Variants in SSBP2 observed in about 807,000 individuals in gnomAD.
SSBP2 encodes the protein single-stranded DNA-binding protein 2.
SSBP2 carries 17 observed loss-of-function variants against 61.8 expected under a neutral mutation model. That is an observed-to-expected ratio of 0.28 (90% CI 0.19 to 0.41). The LOEUF (loss-of-function observed/expected upper bound fraction) is 0.41, where lower values mean the gene tolerates loss of function less well. SSBP2 is among the 10% of genes least tolerant of loss of function. The pLI is 1.00. For missense variants in SSBP2, 310 were observed against 458.7 expected (o/e 0.68, Z 2.96); for synonymous variants, 139 against 141.3 (o/e 0.98, Z 0.12).
intron 15 of SSBP2, among the ~76,000 whole-genome samples, chr5:81,434,399 T>C (rs1762535008): frequency 6.6e-6 from 1 of 151,942 alleles, no homozygotes; most frequent in African/African-American, 2.4e-5. Flanking sequence ...GGCTCACACC[T>C]GTAATCCCAG....
chr5:81,697,028 A>G (rs1281443483), intron 1 of SSBP2, among the ~76,000 whole-genome samples: 1 of 152,228 alleles, frequency 6.6e-6, no homozygotes, highest in Non-Finnish European at 1.5e-5. Context: ...AATACAGGGC[A>G]TTTCAGAGAT....
intron 4 of SSBP2, among the ~76,000 whole-genome samples, chr5:81,542,817 T>TTCTCTTTCTCTCTCTCTC (rs1771384866): frequency 9.4e-6 from 1 of 106,724 alleles, no homozygotes; most frequent in African/African-American, 4.1e-5. Context: ...ATTTGACAGT[T>TTCTCTTTCTCTCTCTCTC]TCTCTCTCTC....
intron 9 of SSBP2, among the ~76,000 whole-genome samples, chr5:81,463,732 C>T (rs1407975356): frequency 6.6e-6 from 1 of 150,390 alleles, no homozygotes; most frequent in Non-Finnish European, 1.5e-5. Flanking sequence ...ATCAAATCAA[C>T]CACTATTACC....
At chr5:81,585,070 C>A (rs1276785763) in intron 4 of SSBP2, among the ~76,000 whole-genome samples, 1 of 151,922 alleles carries the variant, frequency 6.6e-6, no homozygotes, top group African/African-American at 2.4e-5. Flanking sequence ...GTTCTAGAAT[C>A]CACAAAAGCA....
intron 5 of SSBP2, among the ~76,000 whole-genome samples, chr5:81,499,512 A>T (rs1767539734): frequency 6.6e-6 from 1 of 152,218 alleles, no homozygotes; most frequent in East Asian, 1.9e-4. Context: ...GAATGTTTTC[A>T]TAATATTCTA....
intron 1 of SSBP2, among the ~76,000 whole-genome samples, chr5:81,706,071 T>C (rs1419647245): frequency 2.6e-5 from 4 of 152,058 alleles, no homozygotes; most frequent in African/African-American, 9.7e-5. Context: ...ATATTCACAG[T>C]AGCAAAGACA....
chr5:81,669,499 G>A (rs1751421552), intron 1 of SSBP2, among the ~76,000 whole-genome samples: 1 of 152,176 alleles, frequency 6.6e-6, no homozygotes, highest in Non-Finnish European at 1.5e-5. Flanking sequence ...AAAAAGAAAT[G>A]AGGGGACATG....
At chr5:81,444,219 T>G (rs1289946675) in intron 12 of SSBP2, among the ~76,000 whole-genome samples, 1 of 152,198 alleles carries the variant, frequency 6.6e-6, no homozygotes, top group African/African-American at 2.4e-5. Context: ...TTTGTGACCT[T>G]AACTGTTTTT....
At chr5:81,530,924 G>C (rs1284221160) in intron 4 of SSBP2, among the ~76,000 whole-genome samples, 2 of 152,022 alleles carry the variant, frequency 1.3e-5, no homozygotes, top group Admixed American at 1.3e-4. Context: ...AGTCAAGAAA[G>C]AATATAATTT....
rs1761425147 is a variant in SSBP2 at position 81,418,649 on chromosome 5, T to A, written c.*1855A>T. On this transcript the variant is annotated 3_prime_UTR_variant, in exon 17 of 17. Transcript: ENST00000320672. ...TAGGCTCCTACACACCTAGGCTATA[T>A]AATATAAACTATTGCTCCTAGGCTA... is the stretch of plus-strand genomic sequence containing the variant. 1 of 152,180 alleles carries A rather than the reference T, an allele frequency of 6.6e-6. No individual in the cohort carries two copies. The highest frequency in any genetic ancestry group is 1.5e-5 in the Non-Finnish European group (1 of 68,022). The allele number at this position is 152,180 out of a possible 1,614,324, so 9.4% of individuals were successfully genotyped here.
At chr5:81,436,723 G>A (rs1205401847) in intron 15 of SSBP2, among the ~76,000 whole-genome samples, 4 of 152,032 alleles carry the variant, frequency 2.6e-5, no homozygotes, top group Non-Finnish European at 5.9e-5. Flanking sequence ...GTTCCCATCA[G>A]TAATTCTAAA....
intron 6 of SSBP2, among the ~76,000 whole-genome samples, chr5:81,482,793 AAG>A (rs1340009444): frequency 6.6e-6 from 1 of 152,166 alleles, no homozygotes; most frequent in Admixed American, 6.5e-5. Context: ...TAATTCTTTC[AAG>A]AACTTTTCCT....
chr5:81,483,175 T>TA (rs1443890887), intron 6 of SSBP2, among the ~76,000 whole-genome samples: 1 of 152,092 alleles, frequency 6.6e-6, no homozygotes, highest in Non-Finnish European at 1.5e-5. Context: ...CTGTAAGAGA[T>TA]ATAATGAAAA....
At chr5:81,652,213 G>A (rs1438189427) in intron 1 of SSBP2, among the ~76,000 whole-genome samples, 1 of 152,152 alleles carries the variant, frequency 6.6e-6, no homozygotes, top group East Asian at 1.9e-4. Flanking sequence ...TACATCTGTG[G>A]CTGTGTCCTT....
At chr5:81,632,518 A>C (rs941140981) in intron 3 of SSBP2, among the ~76,000 whole-genome samples, 2 of 152,204 alleles carry the variant, frequency 1.3e-5, no homozygotes, top group African/African-American at 4.8e-5. Context: ...TTTATTAGGA[A>C]TAGAAGAAAT....
At chr5:81,466,452 C>T (rs1014615605) in intron 9 of SSBP2, among the ~76,000 whole-genome samples, 1 of 152,016 alleles carries the variant, frequency 6.6e-6, no homozygotes, top group African/African-American at 2.4e-5. Flanking sequence ...TTATAGTATA[C>T]TACCAGAGAG....
At chr5:81,615,649 T>C (rs548359684) in intron 3 of SSBP2, 92 bp from the exon 4 acceptor site, 21 of 862,356 alleles carry the variant, frequency 2.4e-5, no homozygotes, top group Admixed American at 9.8e-5. Context: ...TTTTTCTTTA[T>C]ACAAAATGTT....
intron 1 of SSBP2, among the ~76,000 whole-genome samples, chr5:81,735,496 T>C (rs1026954627): frequency 2.0e-5 from 3 of 152,186 alleles, no homozygotes; most frequent in Non-Finnish European, 4.4e-5. Flanking sequence ...TTAAATCATC[T>C]CTAGATTACT....
At chr5:81,590,388 CA>C (rs1317349635) in intron 4 of SSBP2, among the ~76,000 whole-genome samples, 1 of 152,132 alleles carries the variant, frequency 6.6e-6, no homozygotes, top group Admixed American at 6.5e-5. Flanking sequence ...ACCACAACAA[CA>C]AAAAGGCAGC....
Sources: allele counts gnomAD v4.1 joint callset (sites outside exome capture counted in the v4.1 genomes callset), GRCh38; gene constraint gnomAD v4.1.1; transcripts MANE v1.5; gene names NCBI Gene and HGNC (gene_info 2026-07-23, HGNC 2026-07-21).